PRR16: variants seen among roughly 807,000 people sequenced by gnomAD.
PRR16 encodes the protein proline rich 16, also known as protein Largen.
Under a neutral mutation model 18.2 loss-of-function variants are expected in PRR16, and 6 were observed. The observed-to-expected ratio is 0.33, with a 90% confidence interval of 0.18 to 0.65. The LOEUF is 0.65. Ranked by LOEUF, PRR16 falls within the 30% of genes least tolerant of loss-of-function variation. PRR16 has a pLI of 0.74. For missense variants in PRR16, 412 were observed against 376.6 expected, an observed-to-expected ratio of 1.09 and a Z score of -0.78; for synonymous variants, 151 against 147.8, an observed-to-expected ratio of 1.02 and a Z score of -0.16.
chr5:120,474,118 C>T (rs191761449), intron 1 of PRR16, among the ~76,000 whole-genome samples: 3 of 152,192 alleles, frequency 2.0e-5, no homozygotes, highest in East Asian at 1.9e-4. Flanking sequence ...GTGATAAGGT[C>T]AGATAGATAT....
At chr5:120,481,335 T>TA in intron 1 of PRR16, 2 of 411,300 alleles carry the variant, frequency 4.9e-6, no homozygotes, top group Admixed American at 2.7e-5. Flanking sequence ...TTCACTGTGT[T>TA]GCCCAGTCTG....
rs201970187 is a variant in PRR16, at chr5:120,498,356, AATGT to A, written c.159+33714_159+33717del. Among the ~76,000 whole-genome samples the A allele has an allele frequency of 8.8e-3, 1,315 of 148,960 alleles. 6 individuals are homozygous for A. Among genetic ancestry groups the A allele is most frequent in the Non-Finnish European group, 0.013 (859 of 67,338 alleles). On this transcript the variant is annotated intron_variant, in intron 1 of 1. Transcript: ENST00000407149. ...ATATACATATACATATATATCTATA[AATGT>A]ATATATATATATAAAACTTACCACA... is the stretch of plus-strand genomic sequence containing the variant.
intron 1 of PRR16, among the ~76,000 whole-genome samples, chr5:120,515,478 TA>T (rs548581606): frequency 3.0e-3 from 451 of 152,316 alleles, no homozygotes; most frequent in African/African-American, 0.011. Context: ...TGATTAATAA[TA>T]ATGATATAAA....
At chr5:120,733,251 A>G in the PRR16 span, among the ~76,000 whole-genome samples, 1 of 152,128 alleles carries the variant, frequency 6.6e-6, no homozygotes, top group South Asian at 2.1e-4. Flanking sequence ...CTCAAGCTCA[A>G]GTGATCCTCC....
the PRR16 span, among the ~76,000 whole-genome samples, chr5:120,747,285 A>G: frequency 6.6e-6 from 1 of 152,196 alleles, no homozygotes; most frequent in South Asian, 2.1e-4. Context: ...CCTACTAGCC[A>G]ATTTACCTAG....
intron 1 of PRR16, among the ~76,000 whole-genome samples, chr5:120,590,212 C>T (rs1042619091): frequency 1.3e-5 from 2 of 152,118 alleles, no homozygotes; most frequent in African/African-American, 4.8e-5. Context: ...CAATTTGATC[C>T]TTCAGGATCC....
At chr5:120,491,388 A>T (rs974395842) in intron 1 of PRR16, among the ~76,000 whole-genome samples, 3 of 151,156 alleles carry the variant, frequency 2.0e-5, no homozygotes, top group Non-Finnish European at 2.9e-5. Flanking sequence ...ATTCTATATT[A>T]ACTTAGGTAC....
chr5:120,753,937 A>G, the PRR16 span, among the ~76,000 whole-genome samples: 2 of 9,524 alleles, frequency 2.1e-4, no homozygotes, highest in East Asian at 0.062. Context: ...AATATTATAT[A>G]TAATATATGT....
chr5:120,709,441 A>G, the PRR16 span, among the ~76,000 whole-genome samples: 64 of 152,344 alleles, frequency 4.2e-4, no homozygotes, highest in African/African-American at 1.4e-3. Context: ...GATCAAATCT[A>G]GGTAATTGTG....
chr5:120,519,819 A>G (rs1262066498), intron 1 of PRR16, among the ~76,000 whole-genome samples: 3 of 152,144 alleles, frequency 2.0e-5, no homozygotes, highest in African/African-American at 4.8e-5. Context: ...TAAATAACAT[A>G]AATAAAATCC....
the PRR16 span, among the ~76,000 whole-genome samples, chr5:120,785,812 G>A: frequency 1.3e-5 from 2 of 151,194 alleles, no homozygotes; most frequent in East Asian, 3.9e-4. Context: ...CCTGTGATCC[G>A]TCCGCCTCGG....
chr5:120,745,013 A>G, the PRR16 span, among the ~76,000 whole-genome samples: 1 of 152,188 alleles, frequency 6.6e-6, no homozygotes, highest in African/African-American at 2.4e-5. Context: ...GCAGAACCTT[A>G]GAGTCTTGGT....
At chr5:120,660,210 G>A (rs1439691302) in intron 1 of PRR16, among the ~76,000 whole-genome samples, 1 of 151,974 alleles carries the variant, frequency 6.6e-6, no homozygotes, top group Non-Finnish European at 1.5e-5. Flanking sequence ...AAACATATAT[G>A]TTACAGTTAT....
chr5:120,748,244 T>G, the PRR16 span, among the ~76,000 whole-genome samples: 1 of 152,088 alleles, frequency 6.6e-6, no homozygotes, highest in African/African-American at 2.4e-5. Context: ...GTTCAGACTG[T>G]AGTGAGGTTG....
At chr5:120,466,313 G>T (rs1388510792) in intron 1 of PRR16, among the ~76,000 whole-genome samples, 1 of 152,140 alleles carries the variant, frequency 6.6e-6, no homozygotes, top group Non-Finnish European at 1.5e-5. Context: ...AAATGAAATT[G>T]GGCATGTTCC....
chr5:120,540,882 T>C (rs1751891981), intron 1 of PRR16, among the ~76,000 whole-genome samples: 1 of 152,188 alleles, frequency 6.6e-6, no homozygotes, highest in Non-Finnish European at 1.5e-5. Context: ...ACAACTGTAA[T>C]TAAATTATTA....
chr5:120,578,583 C>CT (rs942658733), intron 1 of PRR16, among the ~76,000 whole-genome samples: 14 of 152,130 alleles, frequency 9.2e-5, no homozygotes, highest in African/African-American at 2.9e-4. Flanking sequence ...AATCTCATTT[C>CT]TTTTTATGGC....
At chr5:120,754,523 T>TA in the PRR16 span, among the ~76,000 whole-genome samples, 1 of 104,696 alleles carries the variant, frequency 9.6e-6, no homozygotes, top group Non-Finnish European at 1.7e-5. Flanking sequence ...ATATATTATA[T>TA]ATTATATAAT....
chr5:120,566,682 G>A (rs975888636), intron 1 of PRR16, among the ~76,000 whole-genome samples: 4 of 152,124 alleles, frequency 2.6e-5, no homozygotes, highest in Non-Finnish European at 5.9e-5. Flanking sequence ...TTGAATAGCT[G>A]TACACACTAT....
Sources: allele counts gnomAD v4.1 joint callset (sites outside exome capture counted in the v4.1 genomes callset), GRCh38; gene constraint gnomAD v4.1.1; transcripts MANE v1.5; gene names NCBI Gene and HGNC (gene_info 2026-07-23, HGNC 2026-07-21).